Variants in CAMTA1 observed in about 807,000 individuals in gnomAD.
CAMTA1 encodes calmodulin-binding transcription activator 1.
In CAMTA1, 27 loss-of-function variants were observed where a neutral mutation model predicts 170.9. The observed-to-expected ratio is 0.16, with a 90% CI of 0.12 to 0.22. CAMTA1 has a LOEUF of 0.22. CAMTA1 is among the 10% of genes least tolerant of loss of function. The pLI is 1.00. For synonymous variants in CAMTA1, 833 were observed against 891.5 expected (o/e 0.93, Z 1.17); for missense variants, 1,619 against 2,217.2 (o/e 0.73, Z 5.42).
At chr1:6,996,766 A>C (rs1323433938) in intron 3 of CAMTA1, among the ~76,000 whole-genome samples, 1 of 152,140 alleles carries the variant, frequency 6.6e-6, no homozygotes, top group Non-Finnish European at 1.5e-5. Flanking sequence ...CCTTCTTTCT[A>C]CTGTCCAAAT....
At chr1:7,739,590 T>A (rs2096796075) in intron 16 of CAMTA1, among the ~76,000 whole-genome samples, 1 of 152,110 alleles carries the variant, frequency 6.6e-6, no homozygotes, top group Non-Finnish European at 1.5e-5. Context: ...GGCCTCACAA[T>A]CATAGCAGAA....
At chr1:7,606,635 A>G (rs1576365311) in intron 6 of CAMTA1, among the ~76,000 whole-genome samples, 1 of 152,362 alleles carries the variant, frequency 6.6e-6, no homozygotes, top group Admixed American at 6.5e-5. Flanking sequence ...AGCACCAGAC[A>G]TGATCTGTGA....
At chr1:7,548,671 GAT>G (rs1557897304) in intron 6 of CAMTA1, among the ~76,000 whole-genome samples, 8 of 134,520 alleles carry the variant, frequency 5.9e-5, no homozygotes, top group Non-Finnish European at 1.1e-4. Context: ...TAGGGGTGGA[GAT>G]GCCCATGGAA....
chr1:7,149,518 C>T (rs952478013), intron 4 of CAMTA1, among the ~76,000 whole-genome samples: 2 of 152,350 alleles, frequency 1.3e-5, no homozygotes, highest in Admixed American at 6.5e-5. Context: ...CGTGTGGCCG[C>T]GGGTCAGGTG....
At chr1:7,594,241 G>GGA (rs1553214864) in intron 6 of CAMTA1, among the ~76,000 whole-genome samples, 5 of 145,498 alleles carry the variant, frequency 3.4e-5, no homozygotes, top group African/African-American at 1.4e-4. Context: ...AAGGAAGGAA[G>GGA]AAAGAAAAGA....
chr1:7,677,675 C>T lies in CAMTA1; in HGVS notation c.2856C>T (p.Tyr952=), dbSNP rs1278299068. The stretch of plus-strand genomic sequence containing the variant: ...TCTCCAACTCGGTGGTGTTTGAGTA[C>T]AAAGCCCGGGCTCTGCCCACGCTCC... ...QIISNSVVFE[Y]KARALPTLPS... Residue 952 remains tyrosine, a synonymous_variant, in exon 11 of 23, where the codon TAC becomes TAT. Coordinates refer to ENST00000303635, the MANE Select transcript of CAMTA1 (RefSeq NM_015215.4). 4 of 1,614,116 alleles carry T rather than the reference C, an allele frequency of 2.5e-6. No individual in the cohort carries two copies. The highest frequency in any genetic ancestry group is 1.3e-5 in the African/African-American group (1 of 75,036).
At chr1:7,276,297 A>ATTTTTTTT (rs1431072819) in intron 5 of CAMTA1, among the ~76,000 whole-genome samples, 2 of 21,548 alleles carry the variant, frequency 9.3e-5, no homozygotes, top group African/African-American at 5.0e-4. Flanking sequence ...ATATATATAT[A>ATTTTTTTT]TATATATTTT....
chr1:7,739,929 A>G (rs1007865892), intron 16 of CAMTA1, among the ~76,000 whole-genome samples: 2 of 151,898 alleles, frequency 1.3e-5, no homozygotes, highest in Non-Finnish European at 2.9e-5. Flanking sequence ...CAGCCAAACC[A>G]TATCACCTAC....
chr1:7,201,369 T>C (rs1170064923), intron 4 of CAMTA1, among the ~76,000 whole-genome samples: 1 of 152,090 alleles, frequency 6.6e-6, no homozygotes, highest in Non-Finnish European at 1.5e-5. Flanking sequence ...TGTAGACATA[T>C]TTTTTTTCAT....
At chr1:7,666,013 C>T (rs2095997907) in intron 9 of CAMTA1, among the ~76,000 whole-genome samples, 3 of 151,766 alleles carry the variant, frequency 2.0e-5, no homozygotes, top group African/African-American at 7.3e-5. Context: ...ACTAAAAATA[C>T]AAAAAATTAA....
chr1:7,708,298 T>A (rs1558184456), intron 11 of CAMTA1, among the ~76,000 whole-genome samples: 1 of 152,100 alleles, frequency 6.6e-6, no homozygotes, highest in Non-Finnish European at 1.5e-5. Flanking sequence ...GCCATTGCAC[T>A]CCATCCTGAG....
chr1:7,304,072 G>A (rs960705766), intron 5 of CAMTA1, among the ~76,000 whole-genome samples: 4 of 132,948 alleles, frequency 3.0e-5, no homozygotes, highest in Admixed American at 7.6e-5. Flanking sequence ...AGGGGAGGGA[G>A]ATGAAGAGTT....
chr1:7,705,573 G>A (rs2096511033), intron 11 of CAMTA1, among the ~76,000 whole-genome samples: 1 of 151,356 alleles, frequency 6.6e-6, no homozygotes, highest in Non-Finnish European at 1.5e-5. Flanking sequence ...GGCCGGCGGC[G>A]AGTGTGTTGG....
At chr1:7,659,653 G>T (rs1384999860) in intron 7 of CAMTA1, among the ~76,000 whole-genome samples, 1 of 152,130 alleles carries the variant, frequency 6.6e-6, no homozygotes, top group African/African-American at 2.4e-5. Context: ...GTGTTCCGGG[G>T]CTGAGCCATC....
At chr1:7,246,670 C>CTTTTTTTTTTTTTTTTT (rs34382670) in intron 4 of CAMTA1, among the ~76,000 whole-genome samples, 2 of 73,930 alleles carry the variant, frequency 2.7e-5, no homozygotes, top group African/African-American at 6.0e-5. Context: ...CTCTGACCTG[C>CTTTTTTTTTTTTTTTTT]TTTTTTTTTT....
At chr1:7,432,627 C>T (rs904033249) in intron 5 of CAMTA1, among the ~76,000 whole-genome samples, 17 of 152,286 alleles carry the variant, frequency 1.1e-4, no homozygotes, top group Admixed American at 7.8e-4. Context: ...GTCCGGGCCT[C>T]AGCCCACCTC....
intron 5 of CAMTA1, among the ~76,000 whole-genome samples, chr1:7,461,998 A>G (rs988074911): frequency 6.6e-6 from 1 of 152,256 alleles, no homozygotes; most frequent in African/African-American, 2.4e-5. Flanking sequence ...AGCACCTGCT[A>G]TGCGAATGTC....
chr1:6,786,205 C>G (rs902518726), intron 1 of CAMTA1, among the ~76,000 whole-genome samples: 1 of 152,008 alleles, frequency 6.6e-6, no homozygotes, highest in African/African-American at 2.4e-5. Flanking sequence ...GGGACCCCGT[C>G]CTGCCGAGCG....
At chr1:7,510,065 C>T (rs1471349945) in intron 6 of CAMTA1, among the ~76,000 whole-genome samples, 2 of 142,238 alleles carry the variant, frequency 1.4e-5, no homozygotes, top group East Asian at 2.2e-4. Context: ...TTTGTACAAG[C>T]TCCTGACCCA....
Sources: gnomAD v4.1 joint callset for allele counts (sites outside exome capture counted in the v4.1 genomes callset) on GRCh38, gnomAD v4.1.1 for gene constraint, MANE v1.5 for transcripts, NCBI Gene and HGNC (gene_info 2026-07-23, HGNC 2026-07-21) for gene names.